COL4A5: variants seen among roughly 807,000 people sequenced by gnomAD.
COL4A5 encodes collagen type IV alpha 5 chain.
Under a neutral mutation model 130.2 loss-of-function variants are expected in COL4A5, and 26 were observed. The observed-to-expected ratio is 0.20, with a 90% CI of 0.15 to 0.28. The LOEUF is 0.28. Ranked by LOEUF, COL4A5 falls within the 10% of genes least tolerant of loss-of-function variation. The pLI, the probability that COL4A5 is intolerant of heterozygous loss-of-function variation, is 1.00. For synonymous variants in COL4A5, 496 were observed against 439.6 expected (o/e 1.13, Z -1.60); for missense variants, 1,131 against 1,344.3 (o/e 0.84, Z 2.48).
intron 1 of COL4A5, among the ~76,000 whole-genome samples, chrX:108,451,787 T>C (rs377580897): frequency 2.7e-5 from 3 of 110,292 alleles, no homozygotes; most frequent in Non-Finnish European, 5.7e-5. Flanking sequence ...TTCTCCCATT[T>C]TGTAGGTTGC....
intron 36 of COL4A5, among the ~76,000 whole-genome samples, chrX:108,634,754 CAT>C (rs933605723): frequency 1.8e-5 from 2 of 110,897 alleles, no homozygotes; most frequent in African/African-American, 3.3e-5. Flanking sequence ...GACATTAAAA[CAT>C]ATTTTAATGT....
At chrX:108,483,929 A>G (rs941382006) in intron 1 of COL4A5, among the ~76,000 whole-genome samples, 1 of 112,045 alleles carries the variant, frequency 8.9e-6, no homozygotes, top group African/African-American at 3.2e-5. Flanking sequence ...GGAAATGTCT[A>G]TTTAGATCTT....
intron 50 of COL4A5, chrX:108,693,474 T>A (rs2068670753): frequency 8.6e-6 from 1 of 116,185 alleles, no homozygotes; most frequent in Non-Finnish European, 1.8e-5. Flanking sequence ...TGGGCCCAGA[T>A]GGTAGAAGGC....
chrX:108,634,814 T>C (rs901845212), intron 36 of COL4A5, among the ~76,000 whole-genome samples: 9 of 111,264 alleles, frequency 8.1e-5, no homozygotes, highest in African/African-American at 2.9e-4. Context: ...TTTCCCCCAT[T>C]GATTATTAAG....
chrX:108,633,378 A>G (rs775899957), intron 36 of COL4A5, among the ~76,000 whole-genome samples: 2 of 111,312 alleles, frequency 1.8e-5, no homozygotes, highest in Admixed American at 1.9e-4. Flanking sequence ...AATGCACCTG[A>G]GTATTTCTGT....
chrX:108,605,371 G>A (rs191579776), intron 28 of COL4A5, among the ~76,000 whole-genome samples: 331 of 111,484 alleles, frequency 3.0e-3, no homozygotes, highest in African/African-American at 0.01. Context: ...AGAGAGATGC[G>A]GGGAAAATGG....
intron 47 of COL4A5, among the ~76,000 whole-genome samples, chrX:108,684,698 T>C (rs1470452327): frequency 8.9e-6 from 1 of 112,703 alleles, no homozygotes; most frequent in Non-Finnish European, 1.9e-5. Flanking sequence ...ATACCATTCC[T>C]TCTGAAACTA....
At chrX:108,605,737 C>T (rs2066718449) in intron 28 of COL4A5, among the ~76,000 whole-genome samples, 1 of 111,860 alleles carries the variant, frequency 8.9e-6, no homozygotes, top group Non-Finnish European at 1.9e-5. Context: ...CTGTGCATCT[C>T]TATAGAGTCA....
At chrX:108,454,233 TTTTTC>T (rs1489532948) in intron 1 of COL4A5, among the ~76,000 whole-genome samples, 1 of 111,738 alleles carries the variant, frequency 8.9e-6, no homozygotes, top group African/African-American at 3.3e-5. Context: ...ATAATTTTCT[TTTTTC>T]TTTTCTTTTC....
intron 41 of COL4A5, 142 bp downstream of exon 41, chrX:108,668,646 A>G (rs1221340157): frequency 2.1e-5 from 9 of 421,268 alleles, no homozygotes; most frequent in African/African-American, 2.0e-4. Context: ...AATTTGTGAT[A>G]TAACTTCTTA....
intron 1 of COL4A5, among the ~76,000 whole-genome samples, chrX:108,509,314 A>C (rs1175818867): frequency 1.8e-5 from 2 of 111,795 alleles, no homozygotes; most frequent in Non-Finnish European, 3.8e-5. Flanking sequence ...GGATCAGGAA[A>C]AATAACTAAT....
At chrX:108,484,870 C>T (rs1044691434) in intron 1 of COL4A5, among the ~76,000 whole-genome samples, 2 of 112,617 alleles carry the variant, frequency 1.8e-5, no homozygotes, top group African/African-American at 6.4e-5. Context: ...AGGCTTGTGT[C>T]CTTCCCTTCA....
At chrX:108,534,233 A>G (rs138745078) in intron 1 of COL4A5, among the ~76,000 whole-genome samples, 3,345 of 111,408 alleles carry the variant, frequency 0.03, 118 homozygotes, top group African/African-American at 0.1. Flanking sequence ...TTCCACTACT[A>G]GGTATCTATC....
intron 1 of COL4A5, among the ~76,000 whole-genome samples, chrX:108,458,221 C>T (rs972036460): frequency 1.8e-5 from 2 of 111,784 alleles, no homozygotes; most frequent in Non-Finnish European, 3.8e-5. Context: ...GATCCATTTA[C>T]TTATTTTTGT....
intron 38 of COL4A5, among the ~76,000 whole-genome samples, chrX:108,666,104 T>G (rs1339994448): frequency 9.0e-6 from 1 of 110,937 alleles, no homozygotes; most frequent in Non-Finnish European, 1.9e-5. Flanking sequence ...TAGGCCCACT[T>G]TTTCCAGGGA....
chrX:108,601,539 T>C (rs1272643696), intron 26 of COL4A5, 54 bp downstream of exon 26: 7 of 870,146 alleles, frequency 8.0e-6, no homozygotes, highest in Non-Finnish European at 1.0e-5. Context: ...TTTTTTTTTT[T>C]TTTTTTTGAC....
intron 1 of COL4A5, among the ~76,000 whole-genome samples, chrX:108,511,949 A>T (rs1191403785): frequency 9.0e-6 from 1 of 111,181 alleles, no homozygotes; most frequent in Non-Finnish European, 1.9e-5. Context: ...TCTTTTTGGG[A>T]TGATAAAAAT....
chrX:108,570,203 C>T (rs894081335), intron 6 of COL4A5, among the ~76,000 whole-genome samples: 1 of 111,555 alleles, frequency 9.0e-6, no homozygotes, highest in African/African-American at 3.3e-5. Flanking sequence ...GAGGACTAAT[C>T]GTGTTCTTCA....
At chrX:108,523,030 C>A (rs2065279887) in intron 1 of COL4A5, among the ~76,000 whole-genome samples, 1 of 108,468 alleles carries the variant, frequency 9.2e-6, no homozygotes, top group Non-Finnish European at 1.9e-5. Flanking sequence ...GGTGCGCGTG[C>A]CACCATGCCC....
Sources: allele counts gnomAD v4.1 joint callset (sites outside exome capture counted in the v4.1 genomes callset), GRCh38; gene constraint gnomAD v4.1.1; transcripts MANE v1.5; gene names NCBI Gene and HGNC (gene_info 2026-07-23, HGNC 2026-07-21).